The following ANKRD1 variants were observed in gnomAD, a reference collection of about 807,000 sequenced individuals.
ANKRD1 encodes ankyrin repeat domain-containing protein 1.
ANKRD1 carries 32 observed loss-of-function variants against 40.1 expected under a neutral mutation model. The ratio of observed to expected loss-of-function variants is 0.80; its 90% CI spans 0.60 to 1.07. The LOEUF (loss-of-function observed/expected upper bound fraction) is 1.07. Ranked by LOEUF, ANKRD1 falls within the 50% of genes least tolerant of loss-of-function variation. The pLI is 0.00. For synonymous variants in ANKRD1, 149 were observed against 141.2 expected (o/e 1.06, Z -0.39); for missense variants, 359 against 386.0 (o/e 0.93, Z 0.59).
rs79885270 is a variant in ANKRD1, at chr10:90,918,009, A to G, written c.454-179T>C. Among the ~76,000 whole-genome samples the G allele has an allele frequency of 9.7e-3, 1,480 of 152,362 alleles. 13 individuals are homozygous for G. The highest frequency in any genetic ancestry group is 0.016 in the Non-Finnish European group (1,062 of 68,042). ...GCAGAATCAGAACAATTATCCTGCA[A>G]CTAATATTTGAGCTTCCTCCAATAT... On this transcript the variant is annotated intron_variant, in intron 4 of 8. Coordinates refer to ENST00000371697, the MANE Select transcript of ANKRD1 (RefSeq NM_014391.3).
At chr10:90,914,977 C>T (rs908575204) in intron 8 of ANKRD1, among the ~76,000 whole-genome samples, 5 of 151,948 alleles carry the variant, frequency 3.3e-5, no homozygotes, top group Middle Eastern at 3.4e-3. Flanking sequence ...AAGACAAATC[C>T]AAGTGGAGAA....
chr10:90,913,237 A>C (rs985321183), intron 8 of ANKRD1, among the ~76,000 whole-genome samples: 1 of 152,184 alleles, frequency 6.6e-6, no homozygotes, highest in Non-Finnish European at 1.5e-5. Context: ...CCTAGACACT[A>C]TGTGTCAAGA....
At chr10:90,916,385 C>G (rs1847374599) in intron 5 of ANKRD1, 116 bp from the exon 6 acceptor site, 1 of 769,690 alleles carries the variant, frequency 1.3e-6, no homozygotes, top group Non-Finnish European at 2.3e-6. Context: ...ATTGACAATT[C>G]TAACTGGAGT....
In ANKRD1 at chr10:90,920,183, G is replaced by T. The variant is rs139169078; in HGVS notation, c.193C>A (p.Gln65Lys). The change falls in exon 2 of 9, where the codon CAA becomes AAA. Residue 65 changes from glutamine (Q) to lysine (K), a missense_variant. Physicochemically the swap from Gln to Lys is moderately conservative, Grantham distance 53 (BLOSUM62 1). Coordinates refer to ENST00000371697, the MANE Select transcript of ANKRD1 (RefSeq NM_014391.3). ...ATGGCTCTCACCTCTGCCTCTCGTT[G>T]TTTCTCGCTTTTCCACTGTTGCTCC... ...LGEQQWKSEK[Q>K]REAELKKKKL... is the part of the protein sequence containing the mutation. The T allele has an allele frequency of 1.9e-5, 30 of 1,613,672 alleles. No homozygotes were observed. The highest frequency in any genetic ancestry group is 2.5e-5 in the Non-Finnish European group (29 of 1,180,000).
At chr10:90,915,962 G>C in intron 6 of ANKRD1, 82 bp from the exon 7 acceptor site, 1 of 1,408,876 alleles carries the variant, frequency 7.1e-7, no homozygotes, top group South Asian at 1.2e-5. Flanking sequence ...GCGAGGGGGA[G>C]AAGTGGTCAC....
chr10:90,914,081 C>T (rs988545603), intron 8 of ANKRD1, among the ~76,000 whole-genome samples: 2 of 152,086 alleles, frequency 1.3e-5, no homozygotes, highest in Non-Finnish European at 2.9e-5. Context: ...TTGGAACTTC[C>T]CCACCTCTGT....
chr10:90,921,066 AG>A lies in ANKRD1; in HGVS notation c.-40del, dbSNP rs558535158. On this transcript the variant is annotated 5_prime_UTR_variant, in exon 1 of 9. Coordinates refer to ENST00000371697, the MANE Select transcript of ANKRD1 (RefSeq NM_014391.3). The stretch of plus-strand genomic sequence containing the variant: ...GTCTTGTATGTTTTTCTGTCGTGGA[AG>A]GAATCCCTGGAGTTGGCCCTGCTGG... 1.2e-5 allele frequency: 19 copies of A among 1,612,364 alleles called. No individual in the cohort carries two copies. The East Asian group carries it at 4.0e-4, about 34-fold the overall frequency.
At chr10:90,915,441 A>T in intron 8 of ANKRD1, 102 bp downstream of exon 8, 1 of 991,652 alleles carries the variant, frequency 1.0e-6, no homozygotes, top group South Asian at 1.4e-5. Context: ...ACCATCGAAG[A>T]CCCCTCAAAT....
rs1554827903 is a variant in ANKRD1 at position 90,918,991 on chromosome 10, A to AATAAATATAT, written c.346-20_346-19insATATATTTAT. The AATAAATATAT allele has an allele frequency of 6.7e-5, 18 of 269,588 alleles. No homozygotes were observed. In the African/African-American group the frequency reaches 1.2e-3, roughly 18 times the overall value. The allele number at this position is 269,588 out of a possible 1,614,324, so 16.7% of individuals were successfully genotyped here. On this transcript the variant is annotated intron_variant, in intron 3 of 8. Coordinates refer to ENST00000371697, the MANE Select transcript of ANKRD1 (RefSeq NM_014391.3). Reference sequence around the variant, plus strand: ...GTTCCGTCTAAAGCCAAAATAAATAAATATATATATATATATATATATATA... The same window carrying AATAAATATAT: ...GTTCCGTCTAAAGCCAAAATAAATAAATAAATATATATATATATATATATATATATATATA...
rs1417770819 is a variant in ANKRD1, at chr10:90,912,601, C to G, written c.*265G>C. On this transcript the variant is annotated 3_prime_UTR_variant, in exon 9 of 9. Transcript: ENST00000371697. ...GAAAGTGTTATATACAAATGAAGCT[C>G]TGCTCACCAGATGGATGATCATGAA... 1 of 407,502 alleles carries G rather than the reference C, an allele frequency of 2.5e-6. No individual in the cohort carries two copies. Among genetic ancestry groups the G allele is most frequent in the Non-Finnish European group, 4.6e-6 (1 of 216,220 alleles). The allele number at this position is 407,502 out of a possible 1,614,324, so 25.2% of individuals were successfully genotyped here. A position where few individuals can be genotyped will look rare whatever the true frequency, so the allele number is the denominator to read the frequency against.
chr10:90,912,291 T>TAAAAAAAAAA lies in ANKRD1; in HGVS notation c.*565_*574dup, dbSNP rs71025330. 9.1e-4 allele frequency: 64 copies of TAAAAAAAAAA among 70,646 alleles called. 1 individual carries two copies. The highest frequency in any genetic ancestry group is 1.4e-3 in the African/African-American group (31 of 21,598). The allele number at this position is 70,646 out of a possible 1,614,324, so 4.4% of individuals were successfully genotyped here. On this transcript the variant is annotated 3_prime_UTR_variant, in exon 9 of 9. Transcript: ENST00000371697. ...TCACTTGGGTACTCTGTGTACTCGG[T>TAAAAAAAAAA]AAAAAAAAAAAAAAAAAAAAAAAAA...
chr10:90,920,257 T>C lies in ANKRD1; in HGVS notation c.119A>G (p.Glu40Gly). The stretch of plus-strand genomic sequence containing the variant: ...AAGTGTCTTCAGATCCTCCTGCTTC[T>C]CTAAAGTAACAGCAGCTTCATACTC... ...DGEYEAAVTL[E>G]KQEDLKTLLA... The change falls in exon 2 of 9, where the codon GAG becomes GGG. Residue 40 changes from glutamate (E) to glycine (G), a missense_variant. By Grantham distance (98) the Glu-to-Gly change is moderately conservative. Coordinates refer to ENST00000371697, the MANE Select transcript of ANKRD1 (RefSeq NM_014391.3). 1 of 1,614,098 alleles carries C rather than the reference T, an allele frequency of 6.2e-7. No homozygotes were observed. The highest frequency in any genetic ancestry group is 1.1e-5 in the South Asian group (1 of 91,018).
chr10:90,913,839 G>T (rs181340534), intron 8 of ANKRD1, among the ~76,000 whole-genome samples: 1 of 152,214 alleles, frequency 6.6e-6, no homozygotes, highest in Admixed American at 6.5e-5. Flanking sequence ...CCAAGAGCTG[G>T]ATTTGTGACT....
chr10:90,917,334 G>T (rs1271868827), intron 5 of ANKRD1, among the ~76,000 whole-genome samples: 2 of 152,128 alleles, frequency 1.3e-5, no homozygotes, highest in Non-Finnish European at 2.9e-5. Flanking sequence ...GTAGCAATTG[G>T]CATCTATCAT....
intron 4 of ANKRD1, among the ~76,000 whole-genome samples, chr10:90,918,103 TG>T (rs1173411153): frequency 6.6e-6 from 1 of 152,220 alleles, no homozygotes; most frequent in Non-Finnish European, 1.5e-5. Flanking sequence ...ATCTAAATGC[TG>T]ACATCTCCGT....
intron 2 of ANKRD1, 123 bp downstream of exon 2, chr10:90,920,039 TTTACGGG>T (rs1397245586): frequency 5.5e-5 from 74 of 1,337,648 alleles, no homozygotes; most frequent in Non-Finnish European, 7.1e-5. Flanking sequence ...AAGTTGCCTC[TTTACGGG>T]TTAGAATCTG....
rs1311120604 is a variant in ANKRD1, at chr10:90,918,964, A to G, written c.354T>C (p.Pro118=). The G allele has an allele frequency of 6.2e-7, 1 of 1,605,248 alleles. No individual in the cohort carries two copies. The highest frequency in any genetic ancestry group is 8.5e-7 in the Non-Finnish European group (1 of 1,177,500). Residue 118 remains proline, a synonymous_variant, in exon 4 of 9, where the codon CCT becomes CCC. Transcript: ENST00000371697. ...CCTTCAGAAACGTAGGCACATCCACAGGTTCCGTCTAAAGCCAAAATAAAT... is the reference window on the plus strand; with the variant it reads ...CCTTCAGAAACGTAGGCACATCCACGGGTTCCGTCTAAAGCCAAAATAAAT... ...KEPEPEIITE[P]VDVPTFLKAA...
chr10:90,918,981 AAAATAAAT>A lies in ANKRD1; in HGVS notation c.346-17_346-10del, dbSNP rs397517250. On this transcript the variant is annotated splice_polypyrimidine_tract_variant and intron_variant, in intron 3 of 8. Coordinates refer to ENST00000371697, the MANE Select transcript of ANKRD1 (RefSeq NM_014391.3). ...ACATCCACAGGTTCCGTCTAAAGCC[AAAATAAAT>A]AAATATATATATATATATATATATA... 0.019 allele frequency: 23,983 copies of A among 1,269,304 alleles called. 3,441 individuals carry two copies. The highest frequency in any genetic ancestry group is 0.058 in the Admixed American group (2,622 of 45,104). The allele number at this position is 1,269,304 out of a possible 1,614,324, so 78.6% of individuals were successfully genotyped here. A position where few individuals can be genotyped will look rare whatever the true frequency, so the allele number is the denominator to read the frequency against.
intron 5 of ANKRD1, among the ~76,000 whole-genome samples, chr10:90,916,884 C>G (rs1373373124): frequency 1.3e-5 from 2 of 152,140 alleles, no homozygotes; most frequent in Non-Finnish European, 2.9e-5. Context: ...CTCATTTTTG[C>G]TAGCACAGCC....
Sources: gnomAD v4.1 joint callset for allele counts (sites outside exome capture counted in the v4.1 genomes callset) on GRCh38, gnomAD v4.1.1 for gene constraint, MANE v1.5 for transcripts, NCBI Gene and HGNC (gene_info 2026-07-23, HGNC 2026-07-21) for gene names.